Variants in PIEZO1 observed in about 807,000 individuals in gnomAD.
PIEZO1 encodes the protein piezo-type mechanosensitive ion channel component 1.
PIEZO1 carries 296 observed loss-of-function variants against 297.2 expected under a neutral mutation model. The ratio of observed to expected loss-of-function variants is 1.00; its 90% confidence interval spans 0.91 to 1.10. The LOEUF (loss-of-function observed/expected upper bound fraction) is 1.10. Among genes scored for constraint, PIEZO1 ranks in the 50% least tolerant of loss-of-function variants. PIEZO1 has a pLI of 0.00. For missense variants in PIEZO1, 5,018 were observed against 3,455.5 expected, an observed-to-expected ratio of 1.45 and a Z score of -11.34; for synonymous variants, 2,427 against 1,507.5, an observed-to-expected ratio of 1.61 and a Z score of -14.13.
At position 88,715,682 on chromosome 16, in the gene PIEZO1, CCTCCAG is replaced by C. The variant is rs587776992; in HGVS notation, c.7483_7488del (p.Leu2495_Glu2496del). ...AAGATGAGCTTGGCGTACAACTCCT[CCTCCAG>C]CTCCAGCTCCCGAGTCTCCCGCACC... On this transcript the variant is annotated inframe_deletion, in exon 51 of 51. Transcript: ENST00000301015. 2.5e-5 allele frequency: 39 copies of C among 1,550,062 alleles called. No homozygotes were observed. Among genetic ancestry groups the C allele is most frequent in the Admixed American group, 3.9e-5 (2 of 50,994 alleles).
At position 88,720,745 on chromosome 16, in the gene PIEZO1, G is replaced by A; in HGVS notation, c.5672C>T (p.Ala1891Val). ...CCCCTCTTCTTCCTCCCTGTCCTCA[G>A]CTTCTGTAGGGAAAAGCTGACTTCT... ...PARKGAAAIE[A>V]EDREEEEGEE... is the part of the protein sequence containing the mutation. The change falls in exon 40 of 51, where the codon GCT becomes GTT. Residue 1891 changes from alanine to valine, a missense_variant. By Grantham distance (64) the Ala-to-Val change is moderately conservative (BLOSUM62 0). Coordinates refer to ENST00000301015, the MANE Select transcript of PIEZO1 (RefSeq NM_001142864.4). The A allele has an allele frequency of 2.0e-6, 3 of 1,491,440 alleles. No individual in the cohort carries two copies. Among genetic ancestry groups the A allele is most frequent in the Non-Finnish European group, 2.7e-6 (3 of 1,121,724 alleles). The allele number at this position is 1,491,440 out of a possible 1,614,324, so 92.4% of individuals were successfully genotyped here.
rs1356728414 is a variant in PIEZO1 at position 88,731,884 on chromosome 16, C to G, written c.3018G>C (p.Val1006=). 38 of 730,316 alleles carry G rather than the reference C, an allele frequency of 5.2e-5. No homozygotes were observed. Among genetic ancestry groups the G allele is most frequent in the South Asian group, 7.5e-5 (2 of 26,686 alleles). 45.2% of individuals were successfully genotyped at this position (730,316 alleles called of 1,614,324 possible). ...LEICFLMAVN[V]IGQRMNFLVT... ...CCAGAAAGTTCATGCGCTGCCCGAT[C>G]ACGTTCACGGCCATCAGGAAGCAGA... The change falls in exon 22 of 51, where the codon GTG becomes GTC. Residue 1006 remains valine (V), a synonymous_variant. Coordinates refer to ENST00000301015, the MANE Select transcript of PIEZO1 (RefSeq NM_001142864.4).
In PIEZO1 at chr16:88,736,791, C is replaced by A. The variant is rs538276830; in HGVS notation, c.1196-52G>T. On this transcript the variant is annotated intron_variant, in intron 10 of 50. Transcript: ENST00000301015. ...CGGCAGGTTGATCTGCAGGCCTCCC[C>A]ACCCTGACTATGCCCTAAAATCTGG... 100 of 1,129,652 alleles carry A rather than the reference C, an allele frequency of 8.9e-5. 1 individual carries two copies. The East Asian group carries it at 1.8e-3, about 20-fold the overall frequency. 70.0% of individuals were successfully genotyped at this position (1,129,652 alleles called of 1,614,324 possible). A position where few individuals can be genotyped will look rare whatever the true frequency, so the allele number is the denominator to read the frequency against.
Position 88,722,663 on chromosome 16 carries a change from C to T in PIEZO1, c.4695G>A (p.Leu1565=), listed in dbSNP as rs531569993. ...LQGGEVHRGV[L]DQLYTSQAEA... is the part of the protein sequence containing the mutation. ...CGGCCTGGCTTGTGTACAGCTGATC[C>T]AGCACGCCCCTGTGCACTTCGCCGC... The change falls in exon 35 of 51, where the codon CTG becomes CTA. Residue 1565 remains leucine, a synonymous_variant. Coordinates refer to ENST00000301015, the MANE Select transcript of PIEZO1 (RefSeq NM_001142864.4). The T allele has an allele frequency of 4.6e-6, 7 of 1,538,230 alleles. No homozygotes were observed. Among genetic ancestry groups the T allele is most frequent in the Non-Finnish European group, 6.1e-6 (7 of 1,146,464 alleles).
chr16:88,766,327 G>C (rs1907177791), intron 1 of PIEZO1, among the ~76,000 whole-genome samples: 1 of 152,202 alleles, frequency 6.6e-6, no homozygotes, highest in Admixed American at 6.5e-5. Context: ...GCACAGCCTG[G>C]ACTCGAGACT....
chr16:88,775,709 G>A (rs2002833), intron 1 of PIEZO1, among the ~76,000 whole-genome samples: 84,551 of 143,586 alleles, frequency 0.59, 25,905 homozygotes, highest in Middle Eastern at 0.75. Flanking sequence ...AGCCTGGGTG[G>A]CAGAATAAGA....
intron 2 of PIEZO1, among the ~76,000 whole-genome samples, chr16:88,748,982 A>C (rs572039374): frequency 1.7e-4 from 25 of 147,284 alleles, no homozygotes; most frequent in African/African-American, 5.8e-4. Flanking sequence ...TCACGTCTGT[A>C]ATCCCAGCAC....
At chr16:88,755,997 A>G (rs954386581) in intron 1 of PIEZO1, among the ~76,000 whole-genome samples, 3 of 152,166 alleles carry the variant, frequency 2.0e-5, no homozygotes, top group Non-Finnish European at 4.4e-5. Flanking sequence ...ACAGCAGAAG[A>G]AGGAAGGACT....
At chr16:88,778,419 C>T (rs1907769942) in intron 1 of PIEZO1, among the ~76,000 whole-genome samples, 1 of 152,216 alleles carries the variant, frequency 6.6e-6, no homozygotes, top group African/African-American at 2.4e-5. Context: ...TGGTAAACAG[C>T]CGGCAGCCAA....
At chr16:88,779,810 G>A (rs79582484) in intron 1 of PIEZO1, among the ~76,000 whole-genome samples, 49,686 of 152,088 alleles carry the variant, frequency 0.33, 9,184 homozygotes, top group African/African-American at 0.51. Context: ...GAGGCCCGAC[G>A]GACCCCCGGC....
chr16:88,731,649 C>CCA, intron 22 of PIEZO1, 57 bp downstream of exon 22: 1 of 1,391,234 alleles, frequency 7.2e-7, no homozygotes, highest in South Asian at 1.3e-5. Flanking sequence ...GGAAACACCC[C>CCA]CACGGGCATC....
At chr16:88,727,320 G>C (rs1041971458) in intron 23 of PIEZO1, 128 bp from the exon 24 acceptor site, 3 of 1,117,312 alleles carry the variant, frequency 2.7e-6, no homozygotes, top group South Asian at 1.6e-5. Flanking sequence ...ACGTCTGCCT[G>C]GGTGAGTGGC....
chr16:88,730,991 C>T lies in PIEZO1; in HGVS notation c.3196+715G>A, dbSNP rs538309016. On this transcript the variant is annotated intron_variant, in intron 22 of 50. Coordinates refer to ENST00000301015, the MANE Select transcript of PIEZO1 (RefSeq NM_001142864.4). ...GCCACTGTGGGGCAGGTGGGACGCC[C>T]CTGAGCCGGCCACGTGCACAAATGT... Among the ~76,000 whole-genome samples, 911 of 151,582 alleles carry T rather than the reference C, an allele frequency of 6.0e-3. 14 individuals carry two copies. Among genetic ancestry groups the T allele is most frequent in the African/African-American group, 0.021 (874 of 40,826 alleles).
intron 1 of PIEZO1, among the ~76,000 whole-genome samples, chr16:88,762,044 G>A (rs1906956276): frequency 6.6e-6 from 1 of 152,232 alleles, no homozygotes; most frequent in South Asian, 2.1e-4. Context: ...CTCTGGCGCA[G>A]ATACAGGTAA....
rs1490165322 is a variant in PIEZO1 at position 88,734,432 on chromosome 16, G to T, written c.2104C>A (p.His702Asn). ...TCGGTGAGCTGCATGAAGGGCCTGT[G>T]GAAGTAGTGCAGCTGCAGGATGCAG... ...LACILQLHYFHRPFMQLTDME... is the reference protein window; with the variant it reads ...LACILQLHYFNRPFMQLTDME... Residue 702 changes from histidine to asparagine, a missense_variant, in exon 16 of 51, where the codon CAC (histidine) becomes AAC (asparagine). His to Asn is a moderately conservative substitution (Grantham distance 68, BLOSUM62 1). Coordinates refer to ENST00000301015, the MANE Select transcript of PIEZO1 (RefSeq NM_001142864.4). The T allele has an allele frequency of 6.5e-7, 1 of 1,549,994 alleles. No homozygotes were observed. The highest frequency in any genetic ancestry group is 8.7e-7 in the Non-Finnish European group (1 of 1,146,718).
At chr16:88,766,468 A>G (rs2142892925) in intron 1 of PIEZO1, among the ~76,000 whole-genome samples, 1 of 152,218 alleles carries the variant, frequency 6.6e-6, no homozygotes, top group Non-Finnish European at 1.5e-5. Flanking sequence ...TATAACAAGC[A>G]CCAGGCTGGT....
In PIEZO1 at chr16:88,738,077, G is replaced by T; in HGVS notation, c.877C>A (p.Pro293Thr). The change falls in exon 8 of 51, where the codon CCC (proline) becomes ACC (threonine). Residue 293 changes from proline (P) to threonine (T), a missense_variant. Transcript: ENST00000301015. ...RVLGLKDFVG[P>T]TNCSSPHALV... The stretch of plus-strand genomic sequence containing the variant: ...GCGTGGGGGCTGGAGCAGTTGGTGG[G>T]ACCCACGAAGTCCTTGAGACCCAGC... The T allele has an allele frequency of 6.5e-7, 1 of 1,535,838 alleles. No individual in the cohort carries two copies. The highest frequency in any genetic ancestry group is 8.7e-7 in the Non-Finnish European group (1 of 1,146,852).
At chr16:88,774,315 C>T (rs1168929980) in intron 1 of PIEZO1, among the ~76,000 whole-genome samples, 2 of 152,176 alleles carry the variant, frequency 1.3e-5, no homozygotes, top group Non-Finnish European at 2.9e-5. Context: ...CGCTTGAACC[C>T]GGGAGGCGGA....
At chr16:88,768,544 G>C (rs146313004) in intron 1 of PIEZO1, among the ~76,000 whole-genome samples, 2 of 152,238 alleles carry the variant, frequency 1.3e-5, no homozygotes, top group Non-Finnish European at 1.5e-5. Flanking sequence ...ACAGCAGAGC[G>C]AGCAGCCGAA....
Sources: gnomAD v4.1 joint callset for allele counts (sites outside exome capture counted in the v4.1 genomes callset) on GRCh38, gnomAD v4.1.1 for gene constraint, MANE v1.5 for transcripts, NCBI Gene and HGNC (gene_info 2026-07-23, HGNC 2026-07-21) for gene names.